Variants in ZNF804B observed in about 807,000 individuals in gnomAD.
ZNF804B encodes the protein zinc finger protein 804B, also known as zinc finger 804B.
ZNF804B carries 80 observed loss-of-function variants against 101.4 expected under a neutral mutation model. The observed-to-expected ratio is 0.79, with a 90% CI of 0.66 to 0.95. ZNF804B has a LOEUF of 0.95. Ranked by LOEUF, ZNF804B falls within the 40% of genes least tolerant of loss-of-function variation. The pLI, the probability that ZNF804B is intolerant of heterozygous loss-of-function variation, is 0.00. For synonymous variants in ZNF804B, 622 were observed against 558.8 expected (o/e 1.11, Z -1.59); for missense variants, 1,673 against 1,561.9 (o/e 1.07, Z -1.20).
At chr7:89,319,668 G>A (rs1790789758) in intron 2 of ZNF804B, among the ~76,000 whole-genome samples, 1 of 152,172 alleles carries the variant, frequency 6.6e-6, no homozygotes, top group Admixed American at 6.6e-5. Context: ...GTACTTCTGA[G>A]ATAGAAGAAT....
At position 88,759,926 on chromosome 7, in the gene ZNF804B, G is replaced by A. The variant is rs746074859; in HGVS notation, c.-51G>A. 6.5e-7 allele frequency: 1 copy of A among 1,532,550 alleles called. No homozygotes were observed. The highest frequency in any genetic ancestry group is 9.0e-7 in the Non-Finnish European group (1 of 1,108,194). 94.9% of individuals were successfully genotyped at this position (1,532,550 alleles called of 1,614,324 possible). ...GCTGAGAAACCCGCCCGCTTTCCACGGCTGGTCGCCTGGTGAGGAGTTGAG... is the reference window on the plus strand; with the variant it reads ...GCTGAGAAACCCGCCCGCTTTCCACAGCTGGTCGCCTGGTGAGGAGTTGAG... On this transcript the variant is annotated 5_prime_UTR_variant, in exon 1 of 4. Transcript: ENST00000333190.
chr7:88,803,133 A>G (rs1305434770), intron 1 of ZNF804B, among the ~76,000 whole-genome samples: 2 of 152,030 alleles, frequency 1.3e-5, no homozygotes, highest in Non-Finnish European at 2.9e-5. Context: ...AATTTTTTCA[A>G]GTGTGTCTAT....
At chr7:88,837,231 C>G (rs1791226756) in intron 1 of ZNF804B, among the ~76,000 whole-genome samples, 1 of 151,746 alleles carries the variant, frequency 6.6e-6, no homozygotes, top group Admixed American at 6.6e-5. Flanking sequence ...ATATGGCAAA[C>G]ATTTACTTTA....
chr7:89,320,762 C>G (rs1790805835), intron 2 of ZNF804B, among the ~76,000 whole-genome samples: 1 of 151,832 alleles, frequency 6.6e-6, no homozygotes, highest in Non-Finnish European at 1.5e-5. Context: ...ATCTTTAATC[C>G]AACCAAGGGG....
At position 89,285,546 on chromosome 7, in the gene ZNF804B, A is replaced by AAAGAAGAAGAAG. The variant is rs774736524; in HGVS notation, c.250-41777_250-41766dup. On this transcript the variant is annotated intron_variant, in intron 2 of 3. Transcript: ENST00000333190. ...TCAAAAAAAAAAAAAAAAAAAAAAAAAAGAAGAAGAAGAAGAAGAAGAAGA... is the reference window on the plus strand; with the variant it reads ...TCAAAAAAAAAAAAAAAAAAAAAAAAAAGAAGAAGAAGAAGAAGAAGAAGAAGAAGAAGAAGA... Among the ~76,000 whole-genome samples the AAAGAAGAAGAAG allele has an allele frequency of 1.3e-3, 121 of 93,434 alleles. 4 individuals carry two copies. The highest frequency in any genetic ancestry group is 5.8e-3 in the African/African-American group (116 of 19,898). 61.3% of individuals were successfully genotyped at this position (93,434 alleles called of 152,430 possible).
intron 1 of ZNF804B, among the ~76,000 whole-genome samples, chr7:88,936,990 G>A (rs1231514877): frequency 6.6e-6 from 1 of 151,622 alleles, no homozygotes; most frequent in African/African-American, 2.4e-5. Flanking sequence ...TGAGAACAAT[G>A]TATTTAAAGA....
intron 1 of ZNF804B, among the ~76,000 whole-genome samples, chr7:88,805,262 A>T (rs1452669892): frequency 6.6e-6 from 1 of 152,202 alleles, no homozygotes; most frequent in Non-Finnish European, 1.5e-5. Flanking sequence ...GAACTTTAAA[A>T]TGTATTTCTT....
At chr7:89,029,502 G>T (rs1218257636) in intron 1 of ZNF804B, among the ~76,000 whole-genome samples, 1 of 152,172 alleles carries the variant, frequency 6.6e-6, no homozygotes, top group African/African-American at 2.4e-5. Flanking sequence ...TAAGTTTCTA[G>T]CTGGGAAATC....
intron 1 of ZNF804B, among the ~76,000 whole-genome samples, chr7:89,123,435 G>T (rs927940758): frequency 2.0e-5 from 3 of 152,080 alleles, no homozygotes; most frequent in African/African-American, 7.2e-5. Context: ...GTGATACACT[G>T]TAAATCGATA....
intron 1 of ZNF804B, among the ~76,000 whole-genome samples, chr7:89,063,895 A>G (rs1789412681): frequency 6.6e-6 from 1 of 152,144 alleles, no homozygotes; most frequent in Non-Finnish European, 1.5e-5. Context: ...AAATCAGACA[A>G]AGTGCCCTCA....
chr7:89,043,031 C>A (rs1406947629), intron 1 of ZNF804B, among the ~76,000 whole-genome samples: 2 of 152,062 alleles, frequency 1.3e-5, no homozygotes, highest in Non-Finnish European at 2.9e-5. Flanking sequence ...TTATTGACTT[C>A]TTTGGGCAGG....
intron 1 of ZNF804B, among the ~76,000 whole-genome samples, chr7:88,971,055 C>A (rs919462337): frequency 1.3e-5 from 2 of 151,016 alleles, no homozygotes; most frequent in Admixed American, 6.6e-5. Flanking sequence ...CCTATTATTT[C>A]TTTACTTATT....
intron 1 of ZNF804B, among the ~76,000 whole-genome samples, chr7:88,926,944 G>GGGA (rs1184917883): frequency 1.2e-5 from 1 of 85,752 alleles, no homozygotes; most frequent in Admixed American, 1.1e-4. Context: ...GGTGGGGAGC[G>GGGA]GGGGGAAAGC....
intron 1 of ZNF804B, among the ~76,000 whole-genome samples, chr7:88,816,347 A>G (rs1296918537): frequency 1.3e-5 from 2 of 152,214 alleles, no homozygotes; most frequent in Non-Finnish European, 1.5e-5. Flanking sequence ...CTAAAACACC[A>G]AAAGCAATGG....
At chr7:89,148,019 A>G (rs1167774947) in intron 1 of ZNF804B, among the ~76,000 whole-genome samples, 1 of 152,016 alleles carries the variant, frequency 6.6e-6, no homozygotes, top group Non-Finnish European at 1.5e-5. Context: ...CTGTCTGTGG[A>G]AAAATTGTCT....
At chr7:88,840,441 G>T (rs1791278395) in intron 1 of ZNF804B, among the ~76,000 whole-genome samples, 1 of 152,098 alleles carries the variant, frequency 6.6e-6, no homozygotes. Context: ...ACAATTGTCT[G>T]TAAAATAAGA....
chr7:88,873,825 C>T (rs939393544), intron 1 of ZNF804B, among the ~76,000 whole-genome samples: 1 of 152,092 alleles, frequency 6.6e-6, no homozygotes, highest in Non-Finnish European at 1.5e-5. Context: ...TTCCATTGAT[C>T]TATATCTTTG....
chr7:89,158,478 T>C (rs35900907), intron 1 of ZNF804B, among the ~76,000 whole-genome samples: 31,046 of 152,134 alleles, frequency 0.2, 3,382 homozygotes, highest in Middle Eastern at 0.39. Context: ...TTGTGTCAAT[T>C]CCTGCTCCCA....
At chr7:89,038,072 T>C (rs1488571974) in intron 1 of ZNF804B, among the ~76,000 whole-genome samples, 2 of 152,182 alleles carry the variant, frequency 1.3e-5, no homozygotes, top group Admixed American at 6.5e-5. Context: ...TATCCATTAA[T>C]CTATTGATGT....
Sources: gnomAD v4.1 joint callset for allele counts (sites outside exome capture counted in the v4.1 genomes callset) on GRCh38, gnomAD v4.1.1 for gene constraint, MANE v1.5 for transcripts, NCBI Gene and HGNC (gene_info 2026-07-23, HGNC 2026-07-21) for gene names.